The following ARFGEF1 variants were observed in gnomAD, a reference collection of about 807,000 sequenced individuals.
ARFGEF1 encodes the protein ARF guanine nucleotide exchange factor 1, also known as brefeldin A-inhibited guanine nucleotide-exchange protein 1.
In ARFGEF1, 42 loss-of-function variants were observed where a neutral mutation model predicts 231.0. The ratio of observed to expected loss-of-function variants is 0.18; its 90% confidence interval spans 0.14 to 0.24. ARFGEF1 has a LOEUF of 0.24. Ranked by LOEUF, ARFGEF1 falls within the 10% of genes least tolerant of loss-of-function variation. The pLI, the probability that ARFGEF1 is intolerant of heterozygous loss-of-function variation, is 1.00. For synonymous variants in ARFGEF1, 710 were observed against 732.3 expected, an observed-to-expected ratio of 0.97 and a Z score of 0.49; for missense variants, 1,345 against 2,192.0, an observed-to-expected ratio of 0.61 and a Z score of 7.72.
intron 5 of ARFGEF1, among the ~76,000 whole-genome samples, chr8:67,180,867 A>T (rs913433198): frequency 1.3e-5 from 2 of 151,642 alleles, no homozygotes; most frequent in Non-Finnish European, 2.9e-5. Flanking sequence ...TTTTTTTTTT[A>T]AAGTAGTATA....
intron 33 of ARFGEF1, among the ~76,000 whole-genome samples, chr8:67,213,262 T>C (rs1390927948): frequency 1.3e-5 from 2 of 152,204 alleles, no homozygotes; most frequent in African/African-American, 4.8e-5. Context: ...CTTTACAGCC[T>C]CCTGGCTTTA....
chr8:67,227,747 T>G, intron 25 of ARFGEF1, 149 bp from the exon 26 acceptor site: 1 of 947,494 alleles, frequency 1.1e-6, no homozygotes, highest in East Asian at 2.7e-5. Flanking sequence ...GCTAAAACTA[T>G]TTCTCAACAA....
chr8:67,224,364 A>G (rs994049241), intron 29 of ARFGEF1, among the ~76,000 whole-genome samples: 7 of 152,214 alleles, frequency 4.6e-5, no homozygotes, highest in Admixed American at 4.6e-4. Flanking sequence ...GGCCAGTTAC[A>G]TAATACCCAT....
intron 35 of ARFGEF1, among the ~76,000 whole-genome samples, chr8:67,204,232 C>T (rs911857197): frequency 6.6e-6 from 1 of 152,170 alleles, no homozygotes; most frequent in Non-Finnish European, 1.5e-5. Flanking sequence ...CTCAATTTAA[C>T]ATTTAACACA....
downstream of ARFGEF1, chr8:67,193,535 G>C (rs781016601): frequency 6.2e-7 from 1 of 1,613,018 alleles, no homozygotes; most frequent in Non-Finnish European, 8.5e-7. Context: ...ATGTTGATGA[G>C]CTTAGAGTGA....
At chr8:67,307,558 C>T (rs775808487) in intron 1 of ARFGEF1, among the ~76,000 whole-genome samples, 1 of 152,170 alleles carries the variant, frequency 6.6e-6, no homozygotes. Flanking sequence ...GGATAATAGA[C>T]GTACTTAGCC....
In ARFGEF1 at chr8:67,198,360, A is replaced by G. The variant is rs908472649; in HGVS notation, c.*574T>C. 1.0e-6 allele frequency: 1 copy of G among 984,606 alleles called. No homozygotes were observed. The highest frequency in any genetic ancestry group is 6.1e-5 in the Admixed American group (1 of 16,264). The allele number at this position is 984,606 out of a possible 1,614,324, so 61.0% of individuals were successfully genotyped here. On this transcript the variant is annotated 3_prime_UTR_variant, in exon 39 of 39. Transcript: ENST00000262215. ...TAAAGAAAACAGTGCAGGAAGAACT[A>G]TATAATGTTTTAAGATTTTTATATT...
At chr8:67,305,960 CA>C (rs1806723839) in intron 1 of ARFGEF1, among the ~76,000 whole-genome samples, 1 of 152,150 alleles carries the variant, frequency 6.6e-6, no homozygotes. Flanking sequence ...AGTTCGACAG[CA>C]AAACTAGCAA....
intron 3 of ARFGEF1, among the ~76,000 whole-genome samples, chr8:67,299,600 GGTAATATTTT>G (rs2128914320): frequency 6.6e-6 from 1 of 152,296 alleles, no homozygotes; most frequent in South Asian, 2.1e-4. Context: ...AAAACCATCA[GGTAATATTTT>G]GAGAAAGTCA....
chr8:67,200,804 TTA>T (rs1336677403), intron 37 of ARFGEF1, among the ~76,000 whole-genome samples: 2 of 152,250 alleles, frequency 1.3e-5, no homozygotes, highest in African/African-American at 4.8e-5. Flanking sequence ...CATGCAAAGC[TTA>T]GTTTCAAGAG....
rs957615122 is a variant in ARFGEF1, at chr8:67,239,005, T to TA, written c.2980-113dup. On this transcript the variant is annotated intron_variant, in intron 20 of 38. Coordinates refer to ENST00000262215, the MANE Select transcript of ARFGEF1 (RefSeq NM_006421.5). ...AGTAAGATTTTGTTTTTTTTTTTTT[T>TA]AATTTATTTATTAATTTTTGAGACA... 81 of 843,666 alleles carry TA rather than the reference T, an allele frequency of 9.6e-5. No individual in the cohort carries two copies. The African/African-American group carries it at 1.2e-3, about 13-fold the overall frequency. The allele number at this position is 843,666 out of a possible 1,614,324, so 52.3% of individuals were successfully genotyped here. A position where few individuals can be genotyped will look rare whatever the true frequency, so the allele number is the denominator to read the frequency against.
chr8:67,234,003 A>C (rs1839635581), intron 22 of ARFGEF1, among the ~76,000 whole-genome samples: 1 of 152,124 alleles, frequency 6.6e-6, no homozygotes, highest in Non-Finnish European at 1.5e-5. Flanking sequence ...TGTTGCCTTC[A>C]CAACCAGATA....
rs1362408470 is a variant in ARFGEF1, at chr8:67,200,569, T to G, written c.5268-56A>C. Reference sequence around the variant, plus strand: ...CTTGCGTATCTACTGGTCCCCATATTCACCGAGAAAGAGCAATCATGAACA... The same window carrying G: ...CTTGCGTATCTACTGGTCCCCATATGCACCGAGAAAGAGCAATCATGAACA... On this transcript the variant is annotated intron_variant, in intron 37 of 38. Transcript: ENST00000262215. 3.7e-6 allele frequency: 4 copies of G among 1,076,314 alleles called. No individual in the cohort carries two copies. The East Asian group carries it at 9.5e-5, about 26-fold the overall frequency. The allele number at this position is 1,076,314 out of a possible 1,614,324, so 66.7% of individuals were successfully genotyped here. A position where few individuals can be genotyped will look rare whatever the true frequency, so the allele number is the denominator to read the frequency against.
At chr8:67,324,278 G>C (rs915126325) in intron 1 of ARFGEF1, among the ~76,000 whole-genome samples, 2 of 152,190 alleles carry the variant, frequency 1.3e-5, no homozygotes, top group East Asian at 1.9e-4. Flanking sequence ...TGGCAACTGA[G>C]TGAGACTCTG....
At chr8:67,316,057 A>T (rs983435887) in intron 1 of ARFGEF1, among the ~76,000 whole-genome samples, 1 of 152,316 alleles carries the variant, frequency 6.6e-6, no homozygotes, top group Admixed American at 6.5e-5. Flanking sequence ...AAGATCAATA[A>T]AATTGAAACT....
intron 23 of ARFGEF1, among the ~76,000 whole-genome samples, chr8:67,230,411 A>C (rs555206115): frequency 1.3e-5 from 2 of 152,132 alleles, no homozygotes; most frequent in Non-Finnish European, 2.9e-5. Flanking sequence ...TGGTTTGCAA[A>C]ACTTTTGCAG....
At chr8:67,321,854 G>C (rs528186453) in intron 1 of ARFGEF1, among the ~76,000 whole-genome samples, 81 of 152,242 alleles carry the variant, frequency 5.3e-4, no homozygotes, top group Non-Finnish European at 8.2e-4. Flanking sequence ...AGGCCTACTG[G>C]CTCTAATCCA....
At chr8:67,208,157 G>C (rs1838587736) in intron 34 of ARFGEF1, among the ~76,000 whole-genome samples, 1 of 152,140 alleles carries the variant, frequency 6.6e-6, no homozygotes. Flanking sequence ...AATGAAAAAT[G>C]AAACTCGGCC....
rs961858754 is a variant in ARFGEF1, at chr8:67,225,000, C to T, written c.4111G>A (p.Val1371Ile). ...FKEYTSDDMNVAPEDRVWVRG... is the reference protein window; with the variant it reads ...FKEYTSDDMNIAPEDRVWVRG... ...ACCCACACCCTGTCTTCAGGTGCTA[C>T]GTTCATATCATCGCTTGTGTATTCC... The change falls in exon 29 of 39, where the codon GTA becomes ATA. Residue 1371 changes from valine (V) to isoleucine (I), a missense_variant. Around this residue, in one of 14 missense-constraint regions of ARFGEF1, gnomAD observed 142 missense variants for 227.3 expected, o/e 0.62. Coordinates refer to ENST00000262215, the MANE Select transcript of ARFGEF1 (RefSeq NM_006421.5). The T allele has an allele frequency of 5.0e-6, 8 of 1,603,262 alleles. No individual in the cohort carries two copies. The highest frequency in any genetic ancestry group is 1.3e-5 in the African/African-American group (1 of 74,590).
Sources: gnomAD v4.1 joint callset for allele counts (sites outside exome capture counted in the v4.1 genomes callset) on GRCh38, gnomAD v4.1.1 for gene constraint, gnomAD v4.1.1 regional missense constraint, MANE v1.5 for transcripts, NCBI Gene and HGNC (gene_info 2026-07-23, HGNC 2026-07-21) for gene names.